Variants in USP35 observed in about 807,000 individuals in gnomAD.
The protein encoded by USP35 is ubiquitin carboxyl-terminal hydrolase 35.
A neutral mutation model predicts 83.8 loss-of-function variants in USP35; 69 were observed. The observed-to-expected ratio is 0.82, with a 90% confidence interval of 0.68 to 1.01. USP35 has a LOEUF of 1.01. Among genes scored for constraint, USP35 ranks in the 50% least tolerant of loss-of-function variants. The pLI is 0.00. For synonymous variants in USP35, 714 were observed against 589.5 expected (o/e 1.21, Z -3.06); for missense variants, 1,503 against 1,362.5 (o/e 1.10, Z -1.62).
the USP35 span, chr11:78,232,050 C>G: frequency 6.6e-6 from 1 of 152,312 alleles, no homozygotes; most frequent in South Asian, 2.1e-4. Context: ...GGCTGCAGTT[C>G]TGAGCCAATT....
the USP35 span, chr11:78,226,521 G>C: frequency 6.2e-7 from 1 of 1,608,356 alleles, no homozygotes; most frequent in Non-Finnish European, 8.5e-7. Context: ...GGGGATGGTG[G>C]CAGCGACAGA....
chr11:78,199,266 T>C (rs757779049), intron 3 of USP35: 69 of 305,582 alleles, frequency 2.3e-4, no homozygotes, highest in Non-Finnish European at 3.7e-4. Flanking sequence ...GAGCCAAAGC[T>C]TCTGGCCCAG....
the USP35 span, among the ~76,000 whole-genome samples, chr11:78,233,216 G>A: frequency 6.6e-6 from 1 of 151,964 alleles, no homozygotes; most frequent in Non-Finnish European, 1.5e-5. Context: ...ATTGTTTTTG[G>A]TAGAGATGGG....
intron 3 of USP35, chr11:78,199,282 G>A (rs186535972): frequency 5.4e-4 from 181 of 333,526 alleles, no homozygotes; most frequent in African/African-American, 3.5e-3. Flanking sequence ...CCCAGGGGCA[G>A]TGCCCTTCCA....
Position 78,209,546 on chromosome 11 carries a change from C to T in USP35, c.1691C>T (p.Thr564Ile). The T allele has an allele frequency of 3.7e-6, 6 of 1,614,162 alleles. No individual in the cohort carries two copies. Among genetic ancestry groups the T allele is most frequent in the Non-Finnish European group, 4.2e-6 (5 of 1,180,012 alleles). Reference protein sequence around the residue: ...PPEEPPAPSSTSVEKMFGGKI... With the variant: ...PPEEPPAPSSISVEKMFGGKI... ...GAGGAGCCCCCGGCCCCAAGTTCAA[C>T]CTCTGTGGAAAAAATGTTTGGAGGC... Residue 564 changes from threonine (T) to isoleucine (I), a missense_variant, in exon 10 of 11, where the codon ACC (threonine) becomes ATC (isoleucine). Coordinates refer to ENST00000529308, the MANE Select transcript of USP35 (RefSeq NM_020798.4).
At position 78,196,192 on chromosome 11, in the gene USP35, C is replaced by T; in HGVS notation, c.-10-44C>T. 1 of 1,533,602 alleles carries T rather than the reference C, an allele frequency of 6.5e-7. No individual in the cohort carries two copies. Among genetic ancestry groups the T allele is most frequent in the African/African-American group, 1.4e-5 (1 of 70,182 alleles). The allele number at this position is 1,533,602 out of a possible 1,614,324, so 95.0% of individuals were successfully genotyped here. On this transcript the variant is annotated intron_variant, in intron 1 of 10. Coordinates refer to ENST00000529308, the MANE Select transcript of USP35 (RefSeq NM_020798.4). The surrounding 1 kb of genome is among the most constrained non-coding windows in gnomAD (Gnocchi z 4.8). Reference sequence around the variant, plus strand: ...GGGGACTGCACCGGGAACTCTTGAGCCCCGCGGTTGTCGGGCTGTGACCTC... The same window carrying T: ...GGGGACTGCACCGGGAACTCTTGAGTCCCGCGGTTGTCGGGCTGTGACCTC...
the USP35 span, among the ~76,000 whole-genome samples, chr11:78,221,136 G>C: frequency 4.6e-5 from 7 of 152,238 alleles, no homozygotes; most frequent in Non-Finnish European, 7.3e-5. Flanking sequence ...ATTCTAATGA[G>C]AAGGTGATAG....
At chr11:78,223,674 T>G in the USP35 span, 1 of 1,593,988 alleles carries the variant, frequency 6.3e-7, no homozygotes, top group Non-Finnish European at 8.6e-7. Context: ...TCATTTTCCC[T>G]GGCTAGGGAG....
chr11:78,198,745 C>T (rs1863234533), intron 3 of USP35: 1 of 968,246 alleles, frequency 1.0e-6, no homozygotes, highest in Non-Finnish European at 1.2e-6. Flanking sequence ...CAAATCCCGC[C>T]TCTACCACTT....
At chr11:78,204,921 G>A (rs180879805) in intron 6 of USP35, among the ~76,000 whole-genome samples, 1 of 152,350 alleles carries the variant, frequency 6.6e-6, no homozygotes, top group East Asian at 1.9e-4. Context: ...GGGGAGACGA[G>A]GGCTTTGGAT....
chr11:78,196,772 G>A lies in USP35; in HGVS notation c.527G>A (p.Arg176His), dbSNP rs1227811374. 6.5e-7 allele frequency: 1 copy of A among 1,533,228 alleles called. No individual in the cohort carries two copies. Among genetic ancestry groups the A allele is most frequent in the Non-Finnish European group, 8.7e-7 (1 of 1,145,618 alleles). The allele number at this position is 1,533,228 out of a possible 1,614,324, so 95.0% of individuals were successfully genotyped here. A position where few individuals can be genotyped will look rare whatever the true frequency, so the allele number is the denominator to read the frequency against. Reference sequence around the variant, plus strand: ...CTGGTGCGTTGCCTCGGCCGCTTCCGCTGCCCAGCCGAAGGCGAGGAGGGC... The same window carrying A: ...CTGGTGCGTTGCCTCGGCCGCTTCCACTGCCCAGCCGAAGGCGAGGAGGGC... ...QQLVRCLGRF[R>H]CPAEGEEGAV... Residue 176 changes from arginine (R) to histidine (H), a missense_variant, in exon 2 of 11, where the codon CGC (arginine) becomes CAC (histidine). By Grantham distance (29) the Arg-to-His change is conservative. Transcript: ENST00000529308. This position sits in a 1 kb window ranked among gnomAD's most constrained non-coding sequence, Gnocchi z 4.8.
At chr11:78,227,944 A>G in the USP35 span, among the ~76,000 whole-genome samples, 1 of 152,218 alleles carries the variant, frequency 6.6e-6, no homozygotes, top group African/African-American at 2.4e-5. Context: ...CTATATGAAG[A>G]ATGGTTTCCT....
At chr11:78,198,170 C>T (rs749725125) in intron 3 of USP35, 102 bp downstream of exon 3, 9 of 1,530,554 alleles carry the variant, frequency 5.9e-6, no homozygotes, top group Non-Finnish European at 8.0e-6. Flanking sequence ...GATTTGGAGT[C>T]AGAGGGCCCA....
chr11:78,224,124 G>T, the USP35 span, among the ~76,000 whole-genome samples: 1 of 152,100 alleles, frequency 6.6e-6, no homozygotes, highest in Non-Finnish European at 1.5e-5. Context: ...TGGGAGACAA[G>T]AATATATGAG....
chr11:78,227,234 C>T, the USP35 span, among the ~76,000 whole-genome samples: 32 of 152,264 alleles, frequency 2.1e-4, no homozygotes, highest in Admixed American at 1.6e-3. Flanking sequence ...AGACTTCATC[C>T]GTCCCCCATC....
At chr11:78,222,043 A>T in the USP35 span, 56 of 1,049,692 alleles carry the variant, frequency 5.3e-5, no homozygotes, top group South Asian at 2.6e-4. Flanking sequence ...GCCAGCTACC[A>T]CATCACTCAT....
the USP35 span, chr11:78,226,619 G>GGCCCC: frequency 1.1e-6 from 1 of 952,240 alleles, no homozygotes; most frequent in Non-Finnish European, 1.6e-6. Context: ...GGCGGGGTGG[G>GGCCCC]GGAGCTATGG....
chr11:78,232,298 A>G, the USP35 span, among the ~76,000 whole-genome samples: 1 of 152,180 alleles, frequency 6.6e-6, no homozygotes. Context: ...TTTCACTCCT[A>G]GTAACCCTCA....
the USP35 span, chr11:78,226,495 GGA>G: frequency 6.2e-7 from 1 of 1,613,970 alleles, no homozygotes; most frequent in Non-Finnish European, 8.5e-7. Flanking sequence ...TCCATTGCAG[GGA>G]GGGTGTTGCG....
Sources: gnomAD v4.1 joint callset for allele counts (sites outside exome capture counted in the v4.1 genomes callset) on GRCh38, gnomAD v4.1.1 for gene constraint, Gnocchi (gnomAD v3.1) non-coding constraint, MANE v1.5 for transcripts, NCBI Gene and HGNC (gene_info 2026-07-23, HGNC 2026-07-21) for gene names.